Variants in PPP1R14A observed in about 807,000 individuals in gnomAD.
PPP1R14A encodes protein phosphatase 1 regulatory subunit 14A.
A neutral mutation model predicts 14.1 loss-of-function variants in PPP1R14A; 9 were observed. The ratio of observed to expected loss-of-function variants is 0.64; its 90% CI spans 0.38 to 1.11. The LOEUF is 1.11. Ranked by LOEUF, PPP1R14A falls within the 50% of genes most tolerant of loss-of-function variation. PPP1R14A has a pLI of 0.01. For missense variants in PPP1R14A, 208 were observed against 200.7 expected, an observed-to-expected ratio of 1.04 and a Z score of -0.22; for synonymous variants, 93 against 88.7, an observed-to-expected ratio of 1.05 and a Z score of -0.27.
chr19:38,251,550 T>G (rs1968190477), intron 3 of PPP1R14A, 104 bp from the exon 4 acceptor site: 6 of 882,660 alleles, frequency 6.8e-6, no homozygotes, highest in Admixed American at 4.1e-5. Flanking sequence ...TGTTCTCTGA[T>G]TGTGGGGTGG....
intron 1 of PPP1R14A, among the ~76,000 whole-genome samples, chr19:38,254,564 C>CA (rs773099070): frequency 3.9e-5 from 6 of 152,068 alleles, no homozygotes; most frequent in Non-Finnish European, 8.8e-5. Context: ...CTTGGCCTCC[C>CA]AAAGTTCTGG....
Position 38,252,808 on chromosome 19 carries a change from T to G in PPP1R14A, c.282+86A>C. The stretch of plus-strand genomic sequence containing the variant: ...CATCACACCAGTGCCCGGCATCTAG[T>G]GAGCACTCAGTAAACACGTGAACTA... On this transcript the variant is annotated intron_variant, in intron 2 of 3. Transcript: ENST00000301242. This position sits in a 1 kb window ranked among gnomAD's most constrained non-coding sequence, Gnocchi z 4.1. The G allele has an allele frequency of 1.3e-5, 13 of 987,622 alleles. No individual in the cohort carries two copies. Among genetic ancestry groups the G allele is most frequent in the Non-Finnish European group, 2.0e-5 (12 of 612,484 alleles). The allele number at this position is 987,622 out of a possible 1,614,324, so 61.2% of individuals were successfully genotyped here. A position where few individuals can be genotyped will look rare whatever the true frequency, so the allele number is the denominator to read the frequency against.
At chr19:38,253,923 G>A (rs1387678715) in intron 1 of PPP1R14A, among the ~76,000 whole-genome samples, 1 of 152,206 alleles carries the variant, frequency 6.6e-6, no homozygotes, top group Non-Finnish European at 1.5e-5. Flanking sequence ...GCAGGTGTGA[G>A]GTGTGTGGCT....
At chr19:38,253,369 G>A (rs1968212449) in intron 1 of PPP1R14A, 1 of 166,300 alleles carries the variant, frequency 6.0e-6, no homozygotes, top group Middle Eastern at 2.9e-3. Flanking sequence ...TAGGTGCAGG[G>A]GAGGAGAGGC....
Position 38,252,438 on chromosome 19 carries a change from A to G in PPP1R14A, c.283-100T>C. 1.6e-6 allele frequency: 2 copies of G among 1,218,216 alleles called. No individual in the cohort carries two copies. The highest frequency in any genetic ancestry group is 2.4e-6 in the Non-Finnish European group (2 of 846,372). 75.5% of individuals were successfully genotyped at this position (1,218,216 alleles called of 1,614,324 possible). On this transcript the variant is annotated intron_variant, in intron 2 of 3. Transcript: ENST00000301242. The surrounding 1 kb of genome is among the most constrained non-coding windows in gnomAD (Gnocchi z 4.1). ...CCAAAAGGCCCCAGCAGCAAGACAA[A>G]TGGAAGTCAGACTCCAGGGTGGACT...
At position 38,256,086 on chromosome 19, in the gene PPP1R14A, C is replaced by A; in HGVS notation, c.201+53G>T. Reference sequence around the variant, plus strand: ...CGAGACCCCAAGGGCGTGGGGTCTCCGCGCCCGGGCTCTATCTGTCCCCGA... The same window carrying A: ...CGAGACCCCAAGGGCGTGGGGTCTCAGCGCCCGGGCTCTATCTGTCCCCGA... On this transcript the variant is annotated intron_variant, in intron 1 of 3. Coordinates refer to ENST00000301242, the MANE Select transcript of PPP1R14A (RefSeq NM_033256.3). This position sits in a 1 kb window ranked among gnomAD's most constrained non-coding sequence, Gnocchi z 5.7. The A allele has an allele frequency of 1.4e-6, 2 of 1,478,166 alleles. No homozygotes were observed. Among genetic ancestry groups the A allele is most frequent in the South Asian group, 1.3e-5 (1 of 77,706 alleles). The allele number at this position is 1,478,166 out of a possible 1,614,324, so 91.6% of individuals were successfully genotyped here.
intron 1 of PPP1R14A, 105 bp from the exon 2 acceptor site, chr19:38,253,079 G>T: frequency 2.4e-6 from 2 of 849,364 alleles, no homozygotes; most frequent in Non-Finnish European, 1.9e-6. Context: ...CAGCTGGCGG[G>T]TTCTGGAGCA....
rs1179110242 is a variant in PPP1R14A, at chr19:38,252,451, T to G, written c.283-113A>C. 3 of 1,077,206 alleles carry G rather than the reference T, an allele frequency of 2.8e-6. No homozygotes were observed. In the Admixed American group the frequency reaches 6.0e-5, roughly 22 times the overall value. 66.7% of individuals were successfully genotyped at this position (1,077,206 alleles called of 1,614,324 possible). A position where few individuals can be genotyped will look rare whatever the true frequency, so the allele number is the denominator to read the frequency against. Reference sequence around the variant, plus strand: ...GCAGCAAGACAAATGGAAGTCAGACTCCAGGGTGGACTGCCCACCAAGCTT... The same window carrying G: ...GCAGCAAGACAAATGGAAGTCAGACGCCAGGGTGGACTGCCCACCAAGCTT... On this transcript the variant is annotated intron_variant, in intron 2 of 3. Coordinates refer to ENST00000301242, the MANE Select transcript of PPP1R14A (RefSeq NM_033256.3). This position sits in a 1 kb window ranked among gnomAD's most constrained non-coding sequence, Gnocchi z 4.1.
Position 38,256,271 on chromosome 19 carries a change from T to G in PPP1R14A, c.69A>C (p.Pro23=). The change falls in exon 1 of 4, where the codon CCA becomes CCC. Residue 23 remains proline, a synonymous_variant. Transcript: ENST00000301242. The surrounding 1 kb of genome is among the most constrained non-coding windows in gnomAD (Gnocchi z 5.7). ...KLQSPSRARG[P]GGSPGGLQKR... is the part of the protein sequence containing the mutation. Reference sequence around the variant, plus strand: ...TCTGCAGCCCCCCGGGACTGCCCCCTGGCCCGCGGGCCCGCGATGGAGACT... The same window carrying G: ...TCTGCAGCCCCCCGGGACTGCCCCCGGGCCCGCGGGCCCGCGATGGAGACT... The G allele has an allele frequency of 1.3e-6, 2 of 1,544,486 alleles. No homozygotes were observed. Among genetic ancestry groups the G allele is most frequent in the Non-Finnish European group, 1.7e-6 (2 of 1,150,892 alleles).
In PPP1R14A at chr19:38,256,011, G is replaced by T. The variant is rs1030217590; in HGVS notation, c.201+128C>A. 1 of 832,690 alleles carries T rather than the reference G, an allele frequency of 1.2e-6. No individual in the cohort carries two copies. The highest frequency in any genetic ancestry group is 1.8e-6 in the Non-Finnish European group (1 of 554,848). 51.6% of individuals were successfully genotyped at this position (832,690 alleles called of 1,614,324 possible). On this transcript the variant is annotated intron_variant, in intron 1 of 3. Coordinates refer to ENST00000301242, the MANE Select transcript of PPP1R14A (RefSeq NM_033256.3). This position sits in a 1 kb window ranked among gnomAD's most constrained non-coding sequence, Gnocchi z 5.7. ...GCCAATGAGTGCCCGGCCCTGGGGCGCTCGTCCTCTTGTGCAGACCAGGCT... is the reference window on the plus strand; with the variant it reads ...GCCAATGAGTGCCCGGCCCTGGGGCTCTCGTCCTCTTGTGCAGACCAGGCT...
At chr19:38,253,578 G>A (rs1050111555) in intron 1 of PPP1R14A, among the ~76,000 whole-genome samples, 2 of 152,192 alleles carry the variant, frequency 1.3e-5, no homozygotes, top group Admixed American at 6.5e-5. Flanking sequence ...AGAGCGGGGC[G>A]CTGAGTGTGG....
rs961041185 is a variant in PPP1R14A at position 38,252,213 on chromosome 19, G to A, written c.315+93C>T. 1.7e-5 allele frequency: 22 copies of A among 1,299,496 alleles called. No individual in the cohort carries two copies. Among genetic ancestry groups the A allele is most frequent in the Non-Finnish European group, 2.4e-5 (22 of 919,334 alleles). The allele number at this position is 1,299,496 out of a possible 1,614,324, so 80.5% of individuals were successfully genotyped here. A position where few individuals can be genotyped will look rare whatever the true frequency, so the allele number is the denominator to read the frequency against. ...GCCGGGGGTGGTGGGGCCGGGTGGT[G>A]TTCCCCAGAGACCCTTCTGCCAGCT... is the stretch of plus-strand genomic sequence containing the variant. On this transcript the variant is annotated intron_variant, in intron 3 of 3. Transcript: ENST00000301242. The surrounding 1 kb of genome is among the most constrained non-coding windows in gnomAD (Gnocchi z 4.1).
chr19:38,253,577 C>T (rs574736872), intron 1 of PPP1R14A, among the ~76,000 whole-genome samples: 5 of 152,252 alleles, frequency 3.3e-5, no homozygotes, highest in East Asian at 1.9e-4. Context: ...AAGAGCGGGG[C>T]GCTGAGTGTG....
rs1490878592 is a variant in PPP1R14A at position 38,252,011 on chromosome 19, G to C, written c.315+295C>G. 2.0e-6 allele frequency: 1 copy of C among 511,998 alleles called. No homozygotes were observed. Among genetic ancestry groups the C allele is most frequent in the African/African-American group, 1.9e-5 (1 of 52,220 alleles). 31.7% of individuals were successfully genotyped at this position (511,998 alleles called of 1,614,324 possible). On this transcript the variant is annotated intron_variant, in intron 3 of 3. Transcript: ENST00000301242. The surrounding 1 kb of genome is among the most constrained non-coding windows in gnomAD (Gnocchi z 4.1). The stretch of plus-strand genomic sequence containing the variant: ...GAGGCAGTGACAGGGGAGGACAGAG[G>C]GAGACTGAGCCCGAAGGCTGGTGGC...
At chr19:38,255,594 GACTGTAGCATATGTTGA>G (rs1187292898) in intron 1 of PPP1R14A, among the ~76,000 whole-genome samples, 1 of 151,464 alleles carries the variant, frequency 6.6e-6, no homozygotes, top group East Asian at 1.9e-4. Flanking sequence ...GGGTGGCTGT[GACTGTAGCATATGTTGA>G]ACTGTAGGTG....
In PPP1R14A at chr19:38,251,290, T is replaced by TC. The variant is rs745696840; in HGVS notation, c.*27dup. 10 of 1,433,218 alleles carry TC rather than the reference T, an allele frequency of 7.0e-6. No homozygotes were observed. Among genetic ancestry groups the TC allele is most frequent in the Middle Eastern group, 1.8e-4 (1 of 5,536 alleles). 88.8% of individuals were successfully genotyped at this position (1,433,218 alleles called of 1,614,324 possible). A position where few individuals can be genotyped will look rare whatever the true frequency, so the allele number is the denominator to read the frequency against. ...TTATACACAAGCAAGCTGGGCGGCG[T>TC]CCGGGGGGCAGGGAGAGTGCAAGAG... On this transcript the variant is annotated 3_prime_UTR_variant, in exon 4 of 4. Coordinates refer to ENST00000301242, the MANE Select transcript of PPP1R14A (RefSeq NM_033256.3).
Position 38,256,371 on chromosome 19 carries a change from G to T in PPP1R14A, c.-32C>A. 1 of 1,388,154 alleles carries T rather than the reference G, an allele frequency of 7.2e-7. No individual in the cohort carries two copies. Among genetic ancestry groups the T allele is most frequent in the South Asian group, 1.6e-5 (1 of 61,144 alleles). The allele number at this position is 1,388,154 out of a possible 1,614,324, so 86.0% of individuals were successfully genotyped here. ...GCTGGACCCAGCCTGGCCCCGCGCT[G>T]TGCGCCTTCGCCTCGCGCCCCGGGT... On this transcript the variant is annotated 5_prime_UTR_variant, in exon 1 of 4. Transcript: ENST00000301242. The surrounding 1 kb of genome is among the most constrained non-coding windows in gnomAD (Gnocchi z 5.7).
At position 38,251,402 on chromosome 19, in the gene PPP1R14A, C is replaced by G. The variant is rs376543300; in HGVS notation, c.360G>C (p.Arg120Ser). Residue 120 changes from arginine to serine, a missense_variant, in exon 4 of 4, where the codon AGG becomes AGC. By Grantham distance (110) the Arg-to-Ser change is moderately radical. Transcript: ENST00000301242. The part of the protein sequence containing the change: ...ELLAKLQGLH[R>S]QPGLRQPSPS... ...GGCTTGGCTGGCGGAGGCCGGGCTGCCTGTGGAGGCCTTGAAGCTTTGCCA... is the reference window on the plus strand; with the variant it reads ...GGCTTGGCTGGCGGAGGCCGGGCTGGCTGTGGAGGCCTTGAAGCTTTGCCA... 48 of 1,560,918 alleles carry G rather than the reference C, an allele frequency of 3.1e-5. No individual in the cohort carries two copies. The East Asian group carries it at 1.1e-3, about 34-fold the overall frequency.
chr19:38,252,994 G>A lies in PPP1R14A; in HGVS notation c.202-20C>T. The A allele has an allele frequency of 1.3e-6, 2 of 1,595,486 alleles. No homozygotes were observed. The highest frequency in any genetic ancestry group is 2.2e-5 in the East Asian group (1 of 44,740). The stretch of plus-strand genomic sequence containing the variant: ...TGCCTCCTAGGGCCAGGGAGGGAGG[G>A]GTGCTTAGGATCCCCTTCCCTCCCT... On this transcript the variant is annotated intron_variant, in intron 1 of 3. Transcript: ENST00000301242. This position sits in a 1 kb window ranked among gnomAD's most constrained non-coding sequence, Gnocchi z 4.1.
Sources: gnomAD v4.1 joint callset for allele counts (sites outside exome capture counted in the v4.1 genomes callset) on GRCh38, gnomAD v4.1.1 for gene constraint, Gnocchi (gnomAD v3.1) non-coding constraint, MANE v1.5 for transcripts, NCBI Gene and HGNC (gene_info 2026-07-23, HGNC 2026-07-21) for gene names.